The following EYA1 variants were observed in gnomAD, a reference collection of about 807,000 sequenced individuals.
EYA1 encodes the protein EYA transcriptional coactivator and phosphatase 1.
A neutral mutation model predicts 82.0 loss-of-function variants in EYA1; 16 were observed. That is an observed-to-expected ratio of 0.20 (90% CI 0.13 to 0.30). The LOEUF (loss-of-function observed/expected upper bound fraction) is 0.30, where lower values mean the gene tolerates loss of function less well. Ranked by LOEUF, EYA1 falls within the 10% of genes least tolerant of loss-of-function variation. EYA1 has a pLI of 1.00. For missense variants in EYA1, 633 were observed against 730.7 expected (o/e 0.87, Z 1.54); for synonymous variants, 261 against 264.4 (o/e 0.99, Z 0.12).
rs773794517 is a variant in EYA1 at position 71,224,480 on chromosome 8, G to A, written c.1141-7457C>T. 2.6e-5 allele frequency among the ~76,000 whole-genome samples: 4 copies of A among 152,322 alleles called. No individual in the cohort carries two copies. The South Asian group carries it at 8.3e-4, about 32-fold the overall frequency. Reference sequence around the variant, plus strand: ...TGTCCCCTCTTATCTGTCATTAAGTGATTACATCCATGGCTCTGACTTCCC... The same window carrying A: ...TGTCCCCTCTTATCTGTCATTAAGTAATTACATCCATGGCTCTGACTTCCC... On this transcript the variant is annotated intron_variant, in intron 12 of 17. Coordinates refer to ENST00000340726, the MANE Select transcript of EYA1 (RefSeq NM_000503.6).
At chr8:71,206,410 C>T (rs1178760910) in intron 17 of EYA1, among the ~76,000 whole-genome samples, 2 of 151,924 alleles carry the variant, frequency 1.3e-5, no homozygotes, top group Admixed American at 6.6e-5. Context: ...TTTGTAGAGA[C>T]GGGTTTCACC....
chr8:71,279,168 C>T (rs1303137353), intron 9 of EYA1, among the ~76,000 whole-genome samples: 2 of 152,100 alleles, frequency 1.3e-5, no homozygotes, highest in Non-Finnish European at 2.9e-5. Context: ...ATGAGACAGG[C>T]TAATCAATAA....
intron 11 of EYA1, among the ~76,000 whole-genome samples, chr8:71,268,279 G>A (rs1379676284): frequency 6.6e-6 from 1 of 152,184 alleles, no homozygotes; most frequent in African/African-American, 2.4e-5. Flanking sequence ...CAACACTCTT[G>A]TGTGAGTTAC....
intron 12 of EYA1, among the ~76,000 whole-genome samples, chr8:71,227,778 A>G (rs185288599): frequency 1.0e-3 from 159 of 152,314 alleles, no homozygotes; most frequent in African/African-American, 3.8e-3. Context: ...TTTAACTACA[A>G]ACTATATGTC....
intron 2 of EYA1, among the ~76,000 whole-genome samples, chr8:71,369,032 C>CAAAAAA (rs60647486): frequency 1.1e-4 from 12 of 112,838 alleles, no homozygotes; most frequent in East Asian, 3.0e-4. Flanking sequence ...ACTAAAAATA[C>CAAAAAA]AAAAAAAAAA....
chr8:71,368,280 G>C (rs1365891789), intron 2 of EYA1, among the ~76,000 whole-genome samples: 1 of 151,990 alleles, frequency 6.6e-6, no homozygotes, highest in Non-Finnish European at 1.5e-5. Flanking sequence ...TTTACCAAGA[G>C]GTCAGAGCGC....
chr8:71,535,072 G>T (rs1814608845), intron 2 of EYA1, among the ~76,000 whole-genome samples: 1 of 150,760 alleles, frequency 6.6e-6, no homozygotes, highest in East Asian at 2.0e-4. Context: ...ACTGAAATAT[G>T]CTTTTTTTTA....
rs1563640169 is a variant in EYA1, at chr8:71,463,623, CT to C, written c.33+72120del. ...TCTCTCTCTCTCTCTCTCTCTCTCT[CT>C]CTCTCTCTCCCTCCCTCCCCCCTCC... On this transcript the variant is annotated intron_variant, in intron 2 of 18. Coordinates refer to the EYA1 transcript ENST00000643681. Among the ~76,000 whole-genome samples the C allele has an allele frequency of 5.0e-3, 569 of 113,166 alleles. 32 individuals carry two copies. Among genetic ancestry groups the C allele is most frequent in the East Asian group, 0.012 (35 of 2,802 alleles). The allele number at this position is 113,166 out of a possible 152,430, so 74.2% of individuals were successfully genotyped here. A position where few individuals can be genotyped will look rare whatever the true frequency, so the allele number is the denominator to read the frequency against.
chr8:71,427,008 T>C lies in EYA1; in HGVS notation c.34-70497A>G, dbSNP rs999141824. ...TTGCATAAGATAGATTGTACAGTAG[T>C]ATAAATCATGGTAACAACTTGTGAG... On this transcript the variant is annotated intron_variant, in intron 2 of 18. Coordinates refer to the EYA1 transcript ENST00000643681. Among the ~76,000 whole-genome samples the C allele has an allele frequency of 3.3e-5, 5 of 152,250 alleles. No individual in the cohort carries two copies. The South Asian group carries it at 8.3e-4, about 25-fold the overall frequency.
At chr8:71,477,865 A>G (rs1809793761) in intron 2 of EYA1, among the ~76,000 whole-genome samples, 1 of 152,194 alleles carries the variant, frequency 6.6e-6, no homozygotes, top group Non-Finnish European at 1.5e-5. Context: ...AAAACGTGGT[A>G]CATTCATACA....
intron 2 of EYA1, among the ~76,000 whole-genome samples, chr8:71,453,646 C>T (rs1308872678): frequency 6.6e-6 from 1 of 152,130 alleles, no homozygotes; most frequent in Non-Finnish European, 1.5e-5. Flanking sequence ...ATTTTCAACC[C>T]AGAATTTCAT....
At chr8:71,263,343 G>A (rs1279537079) in intron 11 of EYA1, among the ~76,000 whole-genome samples, 1 of 152,158 alleles carries the variant, frequency 6.6e-6, no homozygotes, top group African/African-American at 2.4e-5. Context: ...AGCTTCAAAA[G>A]CTGCATGATG....
At chr8:71,291,189 T>C (rs1818956361) in intron 9 of EYA1, among the ~76,000 whole-genome samples, 1 of 152,196 alleles carries the variant, frequency 6.6e-6, no homozygotes, top group Admixed American at 6.5e-5. Context: ...ATATCCTGCA[T>C]GACAGGGAAG....
intron 11 of EYA1, among the ~76,000 whole-genome samples, chr8:71,269,505 G>A (rs1816257987): frequency 1.3e-5 from 2 of 152,170 alleles, no homozygotes; most frequent in Non-Finnish European, 2.9e-5. Flanking sequence ...ACTGGGGTCT[G>A]AATAAGCATG....
At chr8:71,453,287 C>G (rs568752750) in intron 2 of EYA1, among the ~76,000 whole-genome samples, 16 of 152,300 alleles carry the variant, frequency 1.1e-4, no homozygotes, top group African/African-American at 2.6e-4. Context: ...ACCAACTCTA[C>G]GTCTAATTGG....
At chr8:71,244,327 G>T (rs1372817224) in intron 12 of EYA1, among the ~76,000 whole-genome samples, 1 of 152,212 alleles carries the variant, frequency 6.6e-6, no homozygotes, top group Non-Finnish European at 1.5e-5. Context: ...TTATGTAACT[G>T]AGAAATATGT....
intron 2 of EYA1, among the ~76,000 whole-genome samples, chr8:71,479,708 A>G (rs1233716537): frequency 8.5e-6 from 1 of 117,718 alleles, no homozygotes; most frequent in Non-Finnish European, 1.9e-5. Context: ...CTATAATTCT[A>G]TGGCCCAAGC....
chr8:71,539,689 G>T (rs1218226851), intron 1 of EYA1, among the ~76,000 whole-genome samples: 1 of 152,172 alleles, frequency 6.6e-6, no homozygotes, highest in Non-Finnish European at 1.5e-5. Flanking sequence ...GCTTTAGAAA[G>T]CAAGATTTTG....
chr8:71,411,995 A>G (rs36162051), intron 2 of EYA1, among the ~76,000 whole-genome samples: 33,536 of 151,814 alleles, frequency 0.22, 4,204 homozygotes, highest in Middle Eastern at 0.33. Flanking sequence ...TCCAAAAACG[A>G]TAGACTGCAT....
Sources: allele counts gnomAD v4.1 joint callset (sites outside exome capture counted in the v4.1 genomes callset), GRCh38; gene constraint gnomAD v4.1.1; transcripts MANE v1.5; gene names NCBI Gene and HGNC (gene_info 2026-07-23, HGNC 2026-07-21).